HCN1: variants seen among roughly 807,000 people sequenced by gnomAD.
HCN1 encodes potassium/sodium hyperpolarization-activated cyclic nucleotide-gated channel 1.
Under a neutral mutation model 78.9 loss-of-function variants are expected in HCN1, and 13 were observed. The observed-to-expected ratio is 0.16, with a 90% CI of 0.11 to 0.26. HCN1 has a LOEUF of 0.26. Among genes scored for constraint, HCN1 ranks in the 10% least tolerant of loss-of-function variants. The pLI is 1.00. For missense variants in HCN1, 810 were observed against 1,154.3 expected, an observed-to-expected ratio of 0.70 and a Z score of 4.32; for synonymous variants, 552 against 455.5, an observed-to-expected ratio of 1.21 and a Z score of -2.70.
chr5:45,650,897 G>A (rs1294077810), intron 1 of HCN1, among the ~76,000 whole-genome samples: 3 of 151,656 alleles, frequency 2.0e-5, no homozygotes, highest in Admixed American at 6.6e-5. Flanking sequence ...AGTTGCTTAC[G>A]TTATCTTCTC....
chr5:45,620,302 G>A (rs1745031961), intron 2 of HCN1, among the ~76,000 whole-genome samples: 2 of 151,958 alleles, frequency 1.3e-5, no homozygotes, highest in Non-Finnish European at 2.9e-5. Flanking sequence ...AAACTCTGTA[G>A]TGTAGCTAGT....
chr5:45,382,674 T>A (rs559046229), intron 4 of HCN1, among the ~76,000 whole-genome samples: 2 of 152,288 alleles, frequency 1.3e-5, no homozygotes, highest in Non-Finnish European at 2.9e-5. Context: ...TCTGAAATAT[T>A]ATTAGCACTA....
At chr5:45,404,693 C>CA (rs60728403) in intron 3 of HCN1, among the ~76,000 whole-genome samples, 3,542 of 56,086 alleles carry the variant, frequency 0.063, 337 homozygotes, top group Non-Finnish European at 0.08. Context: ...GGGCTATTTG[C>CA]AAAAAAAAAA....
At chr5:45,621,617 T>C (rs1745064436) in intron 2 of HCN1, among the ~76,000 whole-genome samples, 1 of 152,162 alleles carries the variant, frequency 6.6e-6, no homozygotes, top group African/African-American at 2.4e-5. Context: ...AGAGGACAAT[T>C]AGTAAAACGT....
chr5:45,329,075 A>T (rs552877993), intron 5 of HCN1, among the ~76,000 whole-genome samples: 1 of 151,578 alleles, frequency 6.6e-6, no homozygotes, highest in Non-Finnish European at 1.5e-5. Context: ...TAGATTCAAG[A>T]TTGGGTGCCA....
chr5:45,686,761 C>T (rs1342635024), intron 1 of HCN1, among the ~76,000 whole-genome samples: 2 of 152,118 alleles, frequency 1.3e-5, no homozygotes, highest in Non-Finnish European at 2.9e-5. Flanking sequence ...ATGCTGATAT[C>T]CATCTATTTG....
intron 3 of HCN1, among the ~76,000 whole-genome samples, chr5:45,429,674 T>C (rs1270600061): frequency 6.6e-6 from 1 of 152,144 alleles, no homozygotes; most frequent in Non-Finnish European, 1.5e-5. Context: ...GGAAGGAATA[T>C]TGAATTGGTA....
chr5:45,684,611 A>C (rs959155681), intron 1 of HCN1, among the ~76,000 whole-genome samples: 5 of 152,212 alleles, frequency 3.3e-5, no homozygotes, highest in African/African-American at 1.2e-4. Flanking sequence ...CTGTAAACCC[A>C]GCACTTTGGT....
chr5:45,550,643 A>C (rs187276683), intron 2 of HCN1, among the ~76,000 whole-genome samples: 1 of 152,242 alleles, frequency 6.6e-6, no homozygotes, highest in African/African-American at 2.4e-5. Context: ...CTTAAAGTAT[A>C]ATTTTTAAAA....
chr5:45,637,460 G>T (rs1745377021), intron 2 of HCN1, among the ~76,000 whole-genome samples: 1 of 151,770 alleles, frequency 6.6e-6, no homozygotes, highest in South Asian at 2.1e-4. Flanking sequence ...AACTGAAGAT[G>T]CAGGAAAGCT....
At chr5:45,593,644 C>CATTATTATT (rs71000644) in intron 2 of HCN1, among the ~76,000 whole-genome samples, 10,548 of 146,846 alleles carry the variant, frequency 0.072, 675 homozygotes, top group East Asian at 0.35. Flanking sequence ...TAGCTATTTT[C>CATTATTATT]ATTATTATTA....
chr5:45,259,881 G>A lies in HCN1; in HGVS notation c.*2040C>T, dbSNP rs1027618829. 6.6e-6 allele frequency: 1 copy of A among 152,520 alleles called. No homozygotes were observed. Among genetic ancestry groups the A allele is most frequent in the Non-Finnish European group, 1.5e-5 (1 of 67,996 alleles). 9.4% of individuals were successfully genotyped at this position (152,520 alleles called of 1,614,324 possible). A position where few individuals can be genotyped will look rare whatever the true frequency, so the allele number is the denominator to read the frequency against. ...AAATAAAGGAGTTTTGTACTGATAT[G>A]TAAATGGTCTTGCAGCTTTCCCATA... On this transcript the variant is annotated 3_prime_UTR_variant, in exon 8 of 8. Transcript: ENST00000303230.
intron 3 of HCN1, among the ~76,000 whole-genome samples, chr5:45,448,019 AAAGAT>A (rs1433799287): frequency 6.6e-6 from 1 of 151,812 alleles, no homozygotes; most frequent in African/African-American, 2.4e-5. Flanking sequence ...TATAAATTAC[AAAGAT>A]ATTATGGTAA....
intron 2 of HCN1, among the ~76,000 whole-genome samples, chr5:45,487,591 C>T (rs1741793497): frequency 6.6e-6 from 1 of 151,974 alleles, no homozygotes; most frequent in Non-Finnish European, 1.5e-5. Context: ...AATCCACTGT[C>T]ATAGGGTGAC....
At chr5:45,636,374 C>T (rs1327540309) in intron 2 of HCN1, among the ~76,000 whole-genome samples, 1 of 152,272 alleles carries the variant, frequency 6.6e-6, no homozygotes, top group East Asian at 1.9e-4. Flanking sequence ...TAATAGCACA[C>T]AAATGAGTCT....
chr5:45,289,377 T>A (rs777830617), intron 6 of HCN1, among the ~76,000 whole-genome samples: 1 of 152,070 alleles, frequency 6.6e-6, no homozygotes, highest in African/African-American at 2.4e-5. Context: ...TTTCATGCAG[T>A]TGTACTTGCA....
chr5:45,347,865 T>C (rs1422218636), intron 5 of HCN1, among the ~76,000 whole-genome samples: 1 of 152,128 alleles, frequency 6.6e-6, no homozygotes, highest in African/African-American at 2.4e-5. Flanking sequence ...TGGGATTATA[T>C]GAAAAGACCA....
At chr5:45,317,418 A>G (rs1746017853) in intron 5 of HCN1, among the ~76,000 whole-genome samples, 1 of 152,242 alleles carries the variant, frequency 6.6e-6, no homozygotes, top group Admixed American at 6.5e-5. Context: ...AAATTATAAG[A>G]TAGACTAAAG....
At chr5:45,304,335 G>C (rs577538400) in intron 5 of HCN1, among the ~76,000 whole-genome samples, 12 of 151,438 alleles carry the variant, frequency 7.9e-5, no homozygotes, top group Non-Finnish European at 1.6e-4. Flanking sequence ...ATTAGAGTGA[G>C]GACAATGGAT....
Sources: allele counts gnomAD v4.1 joint callset (sites outside exome capture counted in the v4.1 genomes callset), GRCh38; gene constraint gnomAD v4.1.1; transcripts MANE v1.5; gene names NCBI Gene and HGNC (gene_info 2026-07-23, HGNC 2026-07-21).